Variants in NXF1 observed in about 807,000 individuals in gnomAD.
The protein encoded by NXF1 is mRNA export factor TAP.
NXF1 carries 43 observed loss-of-function variants against 92.4 expected under a neutral mutation model. The ratio of observed to expected loss-of-function variants is 0.47; its 90% CI spans 0.36 to 0.60. NXF1 has a LOEUF of 0.60. NXF1 is among the 20% of genes least tolerant of loss of function. The pLI is 0.00. For missense variants in NXF1, 576 were observed against 793.0 expected (o/e 0.73, Z 3.29); for synonymous variants, 288 against 292.2 (o/e 0.99, Z 0.15).
At chr11:62,805,106 C>T in intron 1 of NXF1, 1 of 393,380 alleles carries the variant, frequency 2.5e-6, no homozygotes, top group Non-Finnish European at 4.5e-6. Context: ...ACCCTACCCC[C>T]GAGCCATCCG....
intron 10 of NXF1, chr11:62,799,953 C>T (rs2084460408): frequency 1.0e-6 from 1 of 997,438 alleles, no homozygotes; most frequent in Non-Finnish European, 1.2e-6. Flanking sequence ...GGAGGGAAGG[C>T]CCATCTCAGT....
chr11:62,801,647 G>T lies in NXF1; in HGVS notation c.640-16C>A. ...TCATGATCAGCTAGAGGAAAAAGAAGGGTTTAGTGGTCACTGGGTTTGTGT... is the reference window on the plus strand; with the variant it reads ...TCATGATCAGCTAGAGGAAAAAGAATGGTTTAGTGGTCACTGGGTTTGTGT... On this transcript the variant is annotated splice_polypyrimidine_tract_variant and intron_variant, in intron 6 of 20. Coordinates refer to ENST00000294172, the MANE Select transcript of NXF1 (RefSeq NM_006362.5). The T allele has an allele frequency of 6.2e-7, 1 of 1,614,010 alleles. No individual in the cohort carries two copies. Among genetic ancestry groups the T allele is most frequent in the Non-Finnish European group, 8.5e-7 (1 of 1,179,938 alleles).
In NXF1 at chr11:62,802,275, AAG is replaced by A. The variant is rs1301186888; in HGVS notation, c.370-17_370-16del. On this transcript the variant is annotated splice_polypyrimidine_tract_variant and intron_variant, in intron 3 of 20. Coordinates refer to ENST00000294172, the MANE Select transcript of NXF1 (RefSeq NM_006362.5). ...CCATAAGGAATCTAGAAATGAGAGA[AAG>A]AGAAAAGAAGGGAATGATAAGTAAG... 1.9e-6 allele frequency: 3 copies of A among 1,605,510 alleles called. No individual in the cohort carries two copies. The highest frequency in any genetic ancestry group is 8.5e-7 in the Non-Finnish European group (1 of 1,172,598).
At chr11:62,799,623 T>A in intron 10 of NXF1, 1 of 985,648 alleles carries the variant, frequency 1.0e-6, no homozygotes, top group Non-Finnish European at 1.2e-6. Flanking sequence ...AGTGTGTGAG[T>A]GAGGGAGAGG....
At chr11:62,800,306 G>T (rs2084464916) in intron 10 of NXF1, 71 bp downstream of exon 10, 4 of 1,609,596 alleles carry the variant, frequency 2.5e-6, no homozygotes, top group Non-Finnish European at 3.4e-6. Context: ...ACGGGCCCTG[G>T]TCAGGATGCA....
chr11:62,798,684 C>A, intron 10 of NXF1, 109 bp from the exon 11 acceptor site: 1 of 1,558,858 alleles, frequency 6.4e-7, no homozygotes, highest in South Asian at 1.2e-5. Flanking sequence ...CCATCCTGCT[C>A]ATCCCTCCAC....
intron 10 of NXF1, 141 bp downstream of exon 10, chr11:62,800,236 G>A: frequency 6.8e-7 from 1 of 1,470,440 alleles, no homozygotes; most frequent in Non-Finnish European, 9.0e-7. Flanking sequence ...ACCAAAGTGG[G>A]GAGCACGCGA....
intron 13 of NXF1, 99 bp downstream of exon 13, chr11:62,797,084 C>CAAAACAA: frequency 1.4e-6 from 1 of 714,386 alleles, no homozygotes; most frequent in Non-Finnish European, 2.2e-6. Context: ...AAAAAAAAAA[C>CAAAACAA]AAAACAAAAA....
At chr11:62,805,136 C>T in intron 1 of NXF1, 193 bp downstream of exon 1, 1 of 433,636 alleles carries the variant, frequency 2.3e-6, no homozygotes, top group Non-Finnish European at 4.0e-6. Flanking sequence ...GCAGGTCCCC[C>T]AACACCAGGA....
In NXF1 at chr11:62,795,025, A is replaced by G. The variant is rs754380651; in HGVS notation, c.1505-18T>C. 4 of 1,612,278 alleles carry G rather than the reference A, an allele frequency of 2.5e-6. No individual in the cohort carries two copies. In the Admixed American group the frequency reaches 5.0e-5, roughly 20 times the overall value. ...TCCGTCCACTGCAATAAGAACAGCA[A>G]CAACACCTTAGGGTCACTAGTGCTT... is the stretch of plus-strand genomic sequence containing the variant. On this transcript the variant is annotated intron_variant, in intron 17 of 20. Coordinates refer to ENST00000294172, the MANE Select transcript of NXF1 (RefSeq NM_006362.5).
Position 62,797,376 on chromosome 11 carries a change from T to A in NXF1, c.1064A>T (p.Glu355Val). Reference sequence around the variant, plus strand: ...ATCAAAGGCAATTGGTGGGGGTAGCTCATGGCCATCCTGTGGAAAGGAAGT... The same window carrying A: ...ATCAAAGGCAATTGGTGGGGGTAGCACATGGCCATCCTGTGGAAAGGAAGT... Reference protein sequence around the residue: ...FPKLLRLDGHELPPPIAFDVE... With the variant: ...FPKLLRLDGHVLPPPIAFDVE... The change falls in exon 12 of 21, where the codon GAG becomes GTG. Residue 355 changes from glutamate (E) to valine (V), a missense_variant. Glu to Val is a moderately radical substitution (Grantham distance 121). Around this residue, in one of 2 missense-constraint regions of NXF1, gnomAD observed 425 missense variants for 635.2 expected, o/e 0.67. Transcript: ENST00000294172. 6.2e-7 allele frequency: 1 copy of A among 1,613,356 alleles called. No individual in the cohort carries two copies.
At chr11:62,803,134 T>A (rs989179657) in intron 3 of NXF1, among the ~76,000 whole-genome samples, 1 of 151,880 alleles carries the variant, frequency 6.6e-6, no homozygotes, top group Non-Finnish European at 1.5e-5. Flanking sequence ...GCCTGGCCAA[T>A]ACAGTGAAAC....
intron 17 of NXF1, 139 bp from the exon 18 acceptor site, chr11:62,795,146 G>T: frequency 1.3e-6 from 1 of 760,948 alleles, no homozygotes; most frequent in Non-Finnish European, 2.2e-6. Flanking sequence ...TATAAGGGAA[G>T]CACAGGTGGG....
At chr11:62,800,605 C>CT (rs569196618) in intron 9 of NXF1, 119 bp from the exon 10 acceptor site, 24,060 of 480,648 alleles carry the variant, frequency 0.05, 57 homozygotes, top group African/African-American at 0.057. Context: ...AAAATTTTTT[C>CT]TTTTTTTTTT....
At chr11:62,805,249 C>T in intron 1 of NXF1, 80 bp downstream of exon 1, 2 of 1,462,412 alleles carry the variant, frequency 1.4e-6, no homozygotes, top group Non-Finnish European at 9.2e-7. Flanking sequence ...CGGCCTCACG[C>T]CCCGGGGGCT....
At chr11:62,792,894 A>G (rs747181425) in intron 19 of NXF1, 193 bp from the exon 20 acceptor site, 3 of 594,186 alleles carry the variant, frequency 5.0e-6, no homozygotes, top group Non-Finnish European at 8.9e-6. Flanking sequence ...AAGGAATATT[A>G]AATAGCTGTC....
Position 62,792,361 on chromosome 11 carries a change from C to T in NXF1, c.*115G>A. 7.8e-7 allele frequency: 1 copy of T among 1,287,022 alleles called. No individual in the cohort carries two copies. The highest frequency in any genetic ancestry group is 2.3e-5 in the East Asian group (1 of 43,212). The allele number at this position is 1,287,022 out of a possible 1,614,324, so 79.7% of individuals were successfully genotyped here. On this transcript the variant is annotated 3_prime_UTR_variant, in exon 21 of 21. Transcript: ENST00000294172. ...AGGGATCAGGCAGCCCTCCCTCCCT[C>T]GGTCACAGTCACGGGGCGGCCTCGG...
At chr11:62,798,727 C>T in intron 10 of NXF1, 152 bp from the exon 11 acceptor site, 14 of 1,445,606 alleles carry the variant, frequency 9.7e-6, no homozygotes, top group Non-Finnish European at 1.2e-5. Context: ...GAAAAATGGC[C>T]CCCACTCCCC....
chr11:62,796,682 A>T (rs754110182), intron 13 of NXF1, 115 bp from the exon 14 acceptor site: 2 of 704,658 alleles, frequency 2.8e-6, no homozygotes, highest in Non-Finnish European at 4.9e-6. Context: ...CTGTAATCCC[A>T]GCACTTTGGG....
Sources: allele counts gnomAD v4.1 joint callset (sites outside exome capture counted in the v4.1 genomes callset), GRCh38; gene constraint gnomAD v4.1.1; regional missense constraint gnomAD v4.1.1; transcripts MANE v1.5; gene names NCBI Gene and HGNC (gene_info 2026-07-23, HGNC 2026-07-21).